ORC5: variants seen among roughly 807,000 people sequenced by gnomAD.
The protein encoded by ORC5 is origin recognition complex subunit 5.
Under a neutral mutation model 58.8 loss-of-function variants are expected in ORC5, and 39 were observed. That is an observed-to-expected ratio of 0.66 (90% CI 0.51 to 0.87). The LOEUF (loss-of-function observed/expected upper bound fraction) is 0.87. ORC5 is among the 40% of genes least tolerant of loss of function. The pLI is 0.00. For missense variants in ORC5, 493 were observed against 506.3 expected (o/e 0.97, Z 0.25); for synonymous variants, 218 against 177.6 (o/e 1.23, Z -1.81).
At chr7:104,168,633 C>A in intron 8 of ORC5, 108 bp from the exon 9 acceptor site, 3 of 545,076 alleles carry the variant, frequency 5.5e-6, no homozygotes, top group South Asian at 3.4e-5. Flanking sequence ...ATTAACAAAA[C>A]AGAAAAGAAA....
chr7:104,201,750 A>G (rs1799949505), intron 2 of ORC5, among the ~76,000 whole-genome samples: 1 of 151,972 alleles, frequency 6.6e-6, no homozygotes, highest in African/African-American at 2.4e-5. Flanking sequence ...TCAAAAAAAA[A>G]AAGAATTTTA....
rs1163171568 is a variant in ORC5, at chr7:104,166,846, A to G, written c.916T>C (p.Ser306Pro). The G allele has an allele frequency of 1.2e-6, 2 of 1,612,348 alleles. No individual in the cohort carries two copies. Among genetic ancestry groups the G allele is most frequent in the Non-Finnish European group, 1.7e-6 (2 of 1,178,692 alleles). ...TATGCAGCAATTAGAATGAACTTAG[A>G]GTAATATGGAAGTTCCACATGAGTA... ...AHTHVELPYY[S>P]KFILIAAYLA... Residue 306 changes from serine to proline, a missense_variant, in exon 10 of 14, where the codon TCT becomes CCT. Transcript: ENST00000297431.
intron 6 of ORC5, chr7:104,187,437 C>G (rs565987853): frequency 6.6e-6 from 1 of 152,118 alleles, no homozygotes; most frequent in African/African-American, 2.4e-5. Flanking sequence ...CTAAGTAATA[C>G]TTTTCAGGGC....
intron 13 of ORC5, among the ~76,000 whole-genome samples, chr7:104,135,338 T>C (rs1250725939): frequency 2.6e-5 from 4 of 152,214 alleles, no homozygotes; most frequent in Non-Finnish European, 2.9e-5. Flanking sequence ...TGCTCAATTT[T>C]CTCTGCGTAA....
intron 12 of ORC5, 44 bp downstream of exon 12, chr7:104,161,028 G>T (rs745756428): frequency 9.4e-7 from 1 of 1,060,480 alleles, no homozygotes; most frequent in Non-Finnish European, 1.5e-6. Context: ...ACTATCTGAA[G>T]AATCCCACAA....
chr7:104,187,507 T>G (rs2115999322), intron 6 of ORC5: 1 of 153,432 alleles, frequency 6.5e-6, no homozygotes. Context: ...TCTGTTACTT[T>G]GAAAGTGACT....
intron 8 of ORC5, among the ~76,000 whole-genome samples, chr7:104,171,760 G>A (rs557246403): frequency 2.2e-4 from 34 of 152,166 alleles, no homozygotes; most frequent in African/African-American, 8.2e-4. Flanking sequence ...AGGCTCAGGT[G>A]GTAGGATCAC....
intron 12 of ORC5, among the ~76,000 whole-genome samples, chr7:104,141,311 C>G (rs950854447): frequency 1.3e-5 from 2 of 152,180 alleles, no homozygotes; most frequent in African/African-American, 4.8e-5. Flanking sequence ...GTGGAGCTGC[C>G]TGGCTGTCAC....
At chr7:104,155,259 T>G (rs1798905071) in intron 12 of ORC5, among the ~76,000 whole-genome samples, 1 of 151,700 alleles carries the variant, frequency 6.6e-6, no homozygotes. Context: ...GGTATATATT[T>G]GTATATTAAA....
At chr7:104,179,276 T>A (rs1474507382) in intron 8 of ORC5, among the ~76,000 whole-genome samples, 1 of 152,064 alleles carries the variant, frequency 6.6e-6, no homozygotes, top group Non-Finnish European at 1.5e-5. Context: ...TGAGAAATAA[T>A]TTTGTGTGGT....
At position 104,183,925 on chromosome 7, in the gene ORC5, T is replaced by C. The variant is rs377248235; in HGVS notation, c.824+18A>G. The C allele has an allele frequency of 1.9e-4, 293 of 1,516,228 alleles. No individual in the cohort carries two copies. Among genetic ancestry groups the C allele is most frequent in the Non-Finnish European group, 2.6e-4 (286 of 1,095,302 alleles). The allele number at this position is 1,516,228 out of a possible 1,614,324, so 93.9% of individuals were successfully genotyped here. On this transcript the variant is annotated intron_variant, in intron 8 of 13. Transcript: ENST00000297431. ...ATAAAGATATAAAAACTAGTATGCATACTAAATAGAAAATTACCTTGATAT... is the reference window on the plus strand; with the variant it reads ...ATAAAGATATAAAAACTAGTATGCACACTAAATAGAAAATTACCTTGATAT...
chr7:104,206,261 A>G (rs1800080645), intron 1 of ORC5, among the ~76,000 whole-genome samples: 1 of 152,246 alleles, frequency 6.6e-6, no homozygotes, highest in African/African-American at 2.4e-5. Flanking sequence ...ATAAATGAGT[A>G]TTCTTAGAAA....
rs1363985513 is a variant in ORC5 at position 104,195,157 on chromosome 7, G to A, written c.539C>T (p.Pro180Leu). Reference protein sequence around the residue: ...GCFEPFVLYFPDYSIGNLQKI... With the variant: ...GCFEPFVLYFLDYSIGNLQKI... ...TTAAGGTTTACCTATGCTGTAATCA[G>A]GGAAATATAAGACAAACGGCTCAAA... The change falls in exon 5 of 14, where the codon CCT becomes CTT. Residue 180 changes from proline to leucine, a missense_variant. Pro to Leu is a moderately conservative substitution (Grantham distance 98). Around this residue, in one of 3 missense-constraint regions of ORC5, gnomAD observed 412 missense variants for 403.7 expected, o/e 1.02. Transcript: ENST00000297431. 3 of 1,552,896 alleles carry A rather than the reference G, an allele frequency of 1.9e-6. No individual in the cohort carries two copies. The highest frequency in any genetic ancestry group is 1.7e-6 in the Non-Finnish European group (2 of 1,151,382).
At chr7:104,187,653 C>G (rs1194891836) in intron 6 of ORC5, 1 of 694,768 alleles carries the variant, frequency 1.4e-6, no homozygotes, top group Non-Finnish European at 1.8e-6. Context: ...CAAAAAAGGT[C>G]AAAGAAAAAT....
At chr7:104,170,846 T>G (rs144581882) in intron 8 of ORC5, among the ~76,000 whole-genome samples, 168 of 152,336 alleles carry the variant, frequency 1.1e-3, no homozygotes, top group African/African-American at 3.8e-3. Context: ...GAGCTCCAAT[T>G]AAATATATGT....
chr7:104,192,428 T>A (rs930497049), intron 5 of ORC5, among the ~76,000 whole-genome samples: 1 of 152,078 alleles, frequency 6.6e-6, no homozygotes, highest in African/African-American at 2.4e-5. Flanking sequence ...ATGCTAAACA[T>A]ACAGGGCATT....
At chr7:104,143,916 T>G (rs1374196519) in intron 12 of ORC5, among the ~76,000 whole-genome samples, 1 of 151,866 alleles carries the variant, frequency 6.6e-6, no homozygotes, top group Non-Finnish European at 1.5e-5. Context: ...GCCAGGAGTT[T>G]CAGATCAGCC....
chr7:104,202,643 A>C, intron 2 of ORC5: 1 of 383,784 alleles, frequency 2.6e-6, no homozygotes, highest in East Asian at 7.9e-5. Flanking sequence ...TTAAATATGA[A>C]ACTTCCTTAC....
chr7:104,155,697 A>G (rs1372311718), intron 12 of ORC5, among the ~76,000 whole-genome samples: 1 of 151,586 alleles, frequency 6.6e-6, no homozygotes, highest in East Asian at 1.9e-4. Flanking sequence ...TCTGGGAAAA[A>G]AATAAAGCAA....
Sources: gnomAD v4.1 joint callset for allele counts (sites outside exome capture counted in the v4.1 genomes callset) on GRCh38, gnomAD v4.1.1 for gene constraint, gnomAD v4.1.1 regional missense constraint, MANE v1.5 for transcripts, NCBI Gene and HGNC (gene_info 2026-07-23, HGNC 2026-07-21) for gene names.